Variants in C3orf22 observed in about 807,000 individuals in gnomAD.
C3orf22 encodes the protein uncharacterized protein C3orf22.
C3orf22 carries 7 observed loss-of-function variants against 10.8 expected under a neutral mutation model. The ratio of observed to expected loss-of-function variants is 0.65; its 90% confidence interval spans 0.37 to 1.22. The LOEUF (loss-of-function observed/expected upper bound fraction) is 1.22, where lower values mean the gene tolerates loss of function less well. Among genes scored for constraint, C3orf22 ranks in the 50% most tolerant of loss-of-function variants. C3orf22 has a pLI of 0.02. For missense variants in C3orf22, 173 were observed against 177.0 expected (o/e 0.98, Z 0.13); for synonymous variants, 79 against 78.9 (o/e 1.00, Z 0.00).
At chr3:126,542,631 C>A (rs1043520265) in intron 4 of C3orf22, 1 of 1,419,024 alleles carries the variant, frequency 7.0e-7, no homozygotes. Context: ...CGACAAGACC[C>A]CCGGGGAATG....
chr3:126,556,965 T>A (rs116057502), intron 1 of C3orf22, among the ~76,000 whole-genome samples: 1,744 of 147,694 alleles, frequency 0.012, 12 homozygotes, highest in African/African-American at 0.025. Context: ...CAGACACACA[T>A]AGATTCACAT....
At position 126,549,706 on chromosome 3, in the gene C3orf22, G is replaced by A. The variant is rs939977814; in HGVS notation, c.*162C>T. On this transcript the variant is annotated 3_prime_UTR_variant, in exon 4 of 4. Coordinates refer to ENST00000318225, the MANE Select transcript of C3orf22 (RefSeq NM_152533.3). ...CCAGCTGGAAGTGGGGTGGGAACTC[G>A]CAGTTTATTAGCTTGGTGTAGCTTT... The A allele has an allele frequency of 2.2e-5, 34 of 1,523,740 alleles. No homozygotes were observed. The East Asian group carries it at 2.7e-4, about 12-fold the overall frequency. The allele number at this position is 1,523,740 out of a possible 1,614,324, so 94.4% of individuals were successfully genotyped here. A position where few individuals can be genotyped will look rare whatever the true frequency, so the allele number is the denominator to read the frequency against.
chr3:126,547,234 G>A (rs571109902), downstream of C3orf22, among the ~76,000 whole-genome samples: 14 of 152,316 alleles, frequency 9.2e-5, no homozygotes, highest in South Asian at 2.9e-3. Context: ...CTGGGCCACT[G>A]TGTGAGCATT....
chr3:126,556,805 ACC>A (rs1937346991), intron 1 of C3orf22, among the ~76,000 whole-genome samples: 1 of 144,578 alleles, frequency 6.9e-6, no homozygotes, highest in Admixed American at 7.2e-5. Context: ...ACTCAGGCTC[ACC>A]CACACACACA....
intron 1 of C3orf22, among the ~76,000 whole-genome samples, chr3:126,557,624 T>C (rs1417270346): frequency 6.6e-6 from 1 of 152,172 alleles, no homozygotes; most frequent in East Asian, 1.9e-4. Context: ...ACCATGGCCA[T>C]GGCATGGGAG....
chr3:126,541,938 G>A, intron 4 of C3orf22: 1 of 1,590,180 alleles, frequency 6.3e-7, no homozygotes, highest in African/African-American at 1.4e-5. Flanking sequence ...GCGCTGAGCG[G>A]CCAAGCCCGC....
At chr3:126,553,099 A>G (rs186852630) in intron 2 of C3orf22, among the ~76,000 whole-genome samples, 2 of 152,270 alleles carry the variant, frequency 1.3e-5, no homozygotes, top group Non-Finnish European at 2.9e-5. Flanking sequence ...GCCTGAGCCC[A>G]CCCAGAGGCC....
intron 1 of C3orf22, among the ~76,000 whole-genome samples, chr3:126,558,395 G>A (rs111228362): frequency 0.031 from 4,692 of 152,212 alleles, 90 homozygotes; most frequent in Middle Eastern, 0.048. Flanking sequence ...AGACAGGAGC[G>A]CCCCTCAGCC....
chr3:126,553,192 G>A, intron 2 of C3orf22, 110 bp downstream of exon 2: 2 of 834,360 alleles, frequency 2.4e-6, no homozygotes, highest in South Asian at 2.9e-5. Context: ...TCTCCCTGTG[G>A]ACAAAACCCC....
At chr3:126,540,357 T>C (rs1936932662) in intron 4 of C3orf22, among the ~76,000 whole-genome samples, 1 of 152,146 alleles carries the variant, frequency 6.6e-6, no homozygotes, top group Non-Finnish European at 1.5e-5. Flanking sequence ...CCAGTGTCAG[T>C]CCATCAGCAG....
At chr3:126,531,553 G>T (rs1936660501) in intron 4 of C3orf22, among the ~76,000 whole-genome samples, 1 of 152,298 alleles carries the variant, frequency 6.6e-6, no homozygotes, top group South Asian at 2.1e-4. Context: ...CACATAAATG[G>T]AATCGTGTCT....
At chr3:126,549,573 T>A, downstream of C3orf22, 1 of 1,120,538 alleles carries the variant, frequency 8.9e-7, no homozygotes, top group South Asian at 1.3e-5. Flanking sequence ...GTCCTAGAAG[T>A]GACATTCATG....
At chr3:126,540,601 T>C (rs1936938070) in intron 4 of C3orf22, among the ~76,000 whole-genome samples, 4 of 152,250 alleles carry the variant, frequency 2.6e-5, no homozygotes, top group Admixed American at 1.3e-4. Context: ...TTCCATTGCA[T>C]GGATGGCCGC....
At chr3:126,532,915 T>C (rs1366442914) in intron 4 of C3orf22, among the ~76,000 whole-genome samples, 1 of 152,162 alleles carries the variant, frequency 6.6e-6, no homozygotes, top group Non-Finnish European at 1.5e-5. Context: ...TGTCTTTCCG[T>C]TCATTTGGGT....
At chr3:126,533,340 A>G (rs527307456) in intron 4 of C3orf22, among the ~76,000 whole-genome samples, 9 of 152,234 alleles carry the variant, frequency 5.9e-5, no homozygotes, top group African/African-American at 2.2e-4. Flanking sequence ...GTCTTTCACT[A>G]TTAAGTTATC....
chr3:126,555,107 C>A (rs1040254553), intron 1 of C3orf22, among the ~76,000 whole-genome samples: 2 of 152,218 alleles, frequency 1.3e-5, no homozygotes, highest in South Asian at 4.1e-4. Context: ...TCTGGCCACT[C>A]GGAGGAAGTC....
At position 126,537,110 on chromosome 3, in the gene C3orf22, C is replaced by G. The variant is rs546563382; in HGVS notation, c.287-7738G>C. ...ACACTAATACTTAACTAATTCTGCT[C>G]TAAAGGGGAGTATGAGGTGCAACAA... On this transcript the variant is annotated intron_variant and NMD_transcript_variant, in intron 4 of 5. Coordinates refer to the C3orf22 transcript ENST00000505070. 1.1e-3 allele frequency among the ~76,000 whole-genome samples: 170 copies of G among 152,278 alleles called. No homozygotes were observed. In the Middle Eastern group the frequency reaches 0.041, roughly 37 times the overall value.
At chr3:126,539,847 T>C (rs561033790) in intron 4 of C3orf22, among the ~76,000 whole-genome samples, 41 of 1,180 alleles carry the variant, frequency 0.035, 1 homozygote, top group African/African-American at 0.055. Flanking sequence ...ACCACACACA[T>C]CACACACACA....
At chr3:126,557,289 C>T (rs567402635) in intron 1 of C3orf22, among the ~76,000 whole-genome samples, 55 of 152,354 alleles carry the variant, frequency 3.6e-4, no homozygotes, top group Admixed American at 1.4e-3. Flanking sequence ...CAGCCCATAA[C>T]GCACCTTGCT....
Sources: gnomAD v4.1 joint callset for allele counts (sites outside exome capture counted in the v4.1 genomes callset) on GRCh38, gnomAD v4.1.1 for gene constraint, MANE v1.5 for transcripts, NCBI Gene and HGNC (gene_info 2026-07-23, HGNC 2026-07-21) for gene names.